KCNQ5: variants seen among roughly 807,000 people sequenced by gnomAD.
The protein encoded by KCNQ5 is potassium voltage-gated channel subfamily KQT member 5.
KCNQ5 carries 30 observed loss-of-function variants against 98.2 expected under a neutral mutation model. The observed-to-expected ratio is 0.31, with a 90% CI of 0.23 to 0.41. The LOEUF is 0.41. Among genes scored for constraint, KCNQ5 ranks in the 10% least tolerant of loss-of-function variants. The pLI is 1.00. For synonymous variants in KCNQ5, 458 were observed against 449.4 expected (o/e 1.02, Z -0.24); for missense variants, 835 against 1,182.5 (o/e 0.71, Z 4.31).
chr6:73,161,373 G>A (rs549058581), intron 10 of KCNQ5, among the ~76,000 whole-genome samples: 21 of 152,326 alleles, frequency 1.4e-4, no homozygotes, highest in Non-Finnish European at 2.6e-4. Context: ...TCTGATAGAA[G>A]AAATCAGTCC....
intron 1 of KCNQ5, among the ~76,000 whole-genome samples, chr6:72,930,157 C>G (rs760911381): frequency 1.3e-5 from 2 of 152,012 alleles, no homozygotes; most frequent in Non-Finnish European, 2.9e-5. Flanking sequence ...TTTGTCTCAT[C>G]ATAGAGCTGA....
intron 1 of KCNQ5, among the ~76,000 whole-genome samples, chr6:72,765,306 G>T (rs1772511975): frequency 6.6e-6 from 1 of 151,898 alleles, no homozygotes; most frequent in East Asian, 1.9e-4. Flanking sequence ...TATTCTGGTT[G>T]TGGGGGAACA....
At chr6:72,793,708 G>A (rs138689588) in intron 1 of KCNQ5, among the ~76,000 whole-genome samples, 11 of 152,372 alleles carry the variant, frequency 7.2e-5, no homozygotes, top group African/African-American at 2.4e-4. Flanking sequence ...AGAAAAAGGG[G>A]GATGTGGTGC....
intron 10 of KCNQ5, among the ~76,000 whole-genome samples, chr6:73,143,056 T>C (rs1428940502): frequency 6.6e-6 from 1 of 152,224 alleles, no homozygotes; most frequent in Non-Finnish European, 1.5e-5. Context: ...GTTGAAGATA[T>C]GTTCTTGGTT....
chr6:72,667,521 A>C (rs1365443897), intron 1 of KCNQ5, among the ~76,000 whole-genome samples: 2 of 152,216 alleles, frequency 1.3e-5, no homozygotes, highest in Non-Finnish European at 2.9e-5. Flanking sequence ...AAATAAGTGG[A>C]TAAGAGATGA....
chr6:73,116,289 TTA>T (rs1298047826), intron 7 of KCNQ5, among the ~76,000 whole-genome samples: 1 of 152,154 alleles, frequency 6.6e-6, no homozygotes, highest in African/African-American at 2.4e-5. Flanking sequence ...GGCAATATCA[TTA>T]TCGTTCAGGA....
rs140435793 is a variant in KCNQ5 at position 72,852,640 on chromosome 6, AATAT to A, written c.399-151250_399-151247del. On this transcript the variant is annotated intron_variant, in intron 1 of 13. Transcript: ENST00000370398. ...AGTGGAGAGAAGGAGATGAAGGGGA[AATAT>A]ATATATATATATATATAAATGGCAC... Among the ~76,000 whole-genome samples the A allele has an allele frequency of 1.6e-4, 9 of 56,794 alleles. 1 individual carries two copies. Among genetic ancestry groups the A allele is most frequent in the African/African-American group, 4.4e-4 (5 of 11,272 alleles). 37.3% of individuals were successfully genotyped at this position (56,794 alleles called of 152,430 possible).
At chr6:72,682,817 A>T (rs1767771299) in intron 1 of KCNQ5, among the ~76,000 whole-genome samples, 1 of 152,172 alleles carries the variant, frequency 6.6e-6, no homozygotes, top group African/African-American at 2.4e-5. Flanking sequence ...CAGGGTGGCG[A>T]GGATGAAAGG....
intron 1 of KCNQ5, among the ~76,000 whole-genome samples, chr6:72,670,027 T>C (rs946641255): frequency 4.6e-5 from 7 of 151,964 alleles, no homozygotes; most frequent in African/African-American, 1.7e-4. Context: ...TGAATTTGAC[T>C]ATAAGCAGTG....
At chr6:72,714,968 C>A (rs1769570421) in intron 1 of KCNQ5, among the ~76,000 whole-genome samples, 1 of 151,834 alleles carries the variant, frequency 6.6e-6, no homozygotes, top group African/African-American at 2.4e-5. Context: ...CTTCTGTGAG[C>A]CAATTGTTTT....
At chr6:73,035,153 C>T (rs1430666677) in intron 2 of KCNQ5, among the ~76,000 whole-genome samples, 1 of 152,184 alleles carries the variant, frequency 6.6e-6, no homozygotes, top group Non-Finnish European at 1.5e-5. Context: ...CCACCACTGC[C>T]TCTTAGGCTT....
At chr6:72,663,869 C>T (rs992012664) in intron 1 of KCNQ5, among the ~76,000 whole-genome samples, 13 of 152,066 alleles carry the variant, frequency 8.5e-5, no homozygotes, top group Admixed American at 1.3e-4. Flanking sequence ...GTGTGTCCTC[C>T]GCTTTAAATC....
chr6:73,035,163 T>C (rs73535916), intron 2 of KCNQ5, among the ~76,000 whole-genome samples: 50 of 152,238 alleles, frequency 3.3e-4, no homozygotes, highest in African/African-American at 1.1e-3. Context: ...CTCTTAGGCT[T>C]CTTAATTTCC....
intron 10 of KCNQ5, chr6:73,135,188 A>T (rs946009309): frequency 5.3e-5 from 8 of 149,570 alleles, no homozygotes; most frequent in Admixed American, 2.0e-4. Context: ...ACACAGAAAG[A>T]TGATAACAAA....
Position 73,169,746 on chromosome 6 carries a change from C to A in KCNQ5, c.1469C>A (p.Ala490Asp). The change falls in exon 11 of 14, where the codon GCT becomes GAT. Residue 490 changes from alanine to aspartate, a missense_variant and splice_region_variant. Coordinates refer to ENST00000370398, the MANE Select transcript of KCNQ5 (RefSeq NM_019842.4). ...TTTAACTGGCAATATTCTCTTGCAG[C>A]TGACACAGCCCTTGGCACTGATGAT... ...KSSQPKPVID[A>D]DTALGTDDVY... 3 of 1,607,966 alleles carry A rather than the reference C, an allele frequency of 1.9e-6. No individual in the cohort carries two copies. The highest frequency in any genetic ancestry group is 2.6e-6 in the Non-Finnish European group (3 of 1,174,722).
intron 9 of KCNQ5, among the ~76,000 whole-genome samples, chr6:73,124,980 TACAC>T (rs150667060): frequency 0.086 from 1,895 of 22,090 alleles, 49 homozygotes; most frequent in Middle Eastern, 0.1. Context: ...TATATATATA[TACAC>T]ACACACACAT....
At position 73,161,433 on chromosome 6, in the gene KCNQ5, T is replaced by C. The variant is rs567457722; in HGVS notation, c.1469-8313T>C. ...GACTATAGTTTACAGTAATCTGTTGTATATTTCAAATAGCTCAAATAGCTA... is the reference window on the plus strand; with the variant it reads ...GACTATAGTTTACAGTAATCTGTTGCATATTTCAAATAGCTCAAATAGCTA... On this transcript the variant is annotated intron_variant, in intron 10 of 13. Transcript: ENST00000370398. Among the ~76,000 whole-genome samples the C allele has an allele frequency of 1.9e-3, 288 of 152,362 alleles. 2 individuals carry two copies. Among genetic ancestry groups the C allele is most frequent in the Non-Finnish European group, 3.0e-3 (201 of 68,038 alleles).
chr6:72,989,654 A>G (rs1227244676), intron 1 of KCNQ5, among the ~76,000 whole-genome samples: 1 of 194 alleles, frequency 5.2e-3, no homozygotes, highest in Non-Finnish European at 9.8e-3. Flanking sequence ...GAAGCTCTTT[A>G]GTTTAATTAG....
chr6:73,160,415 G>T (rs1476992577), intron 10 of KCNQ5, among the ~76,000 whole-genome samples: 1 of 152,200 alleles, frequency 6.6e-6, no homozygotes, highest in East Asian at 1.9e-4. Flanking sequence ...GAGAAAGAGG[G>T]CCAAAGCCTG....
Sources: allele counts gnomAD v4.1 joint callset (sites outside exome capture counted in the v4.1 genomes callset), GRCh38; gene constraint gnomAD v4.1.1; transcripts MANE v1.5; gene names NCBI Gene and HGNC (gene_info 2026-07-23, HGNC 2026-07-21).